The following NBEA variants were observed in gnomAD, a reference collection of about 807,000 sequenced individuals.
The protein encoded by NBEA is lysosomal-trafficking regulator 2.
A neutral mutation model predicts 343.4 loss-of-function variants in NBEA; 44 were observed. The observed-to-expected ratio is 0.13, with a 90% CI of 0.10 to 0.16. NBEA has a LOEUF of 0.16. Ranked by LOEUF, NBEA falls within the 10% of genes least tolerant of loss-of-function variation. The probability of loss-of-function intolerance (pLI) is 1.00; values close to 1 mark genes in which losing one functional copy is unlikely to be tolerated. For synonymous variants in NBEA, 1,175 were observed against 1,238.7 expected, an observed-to-expected ratio of 0.95 and a Z score of 1.08; for missense variants, 2,555 against 3,631.3, an observed-to-expected ratio of 0.70 and a Z score of 7.62.
At chr13:35,466,498 C>CA (rs775482692) in intron 40 of NBEA, among the ~76,000 whole-genome samples, 5 of 152,008 alleles carry the variant, frequency 3.3e-5, no homozygotes, top group Admixed American at 6.5e-5. Context: ...TATTTCCATG[C>CA]AAAAAAAGTT....
At chr13:35,656,818 A>G (rs2084832867) in intron 55 of NBEA, among the ~76,000 whole-genome samples, 1 of 152,226 alleles carries the variant, frequency 6.6e-6, no homozygotes, top group South Asian at 2.1e-4. Flanking sequence ...ATAAACTGAA[A>G]CATGAATTTG....
At position 35,238,686 on chromosome 13, in the gene NBEA, C is replaced by T. The variant is rs555327570; in HGVS notation, c.5776+6067C>T. On this transcript the variant is annotated intron_variant, in intron 34 of 58. Transcript: ENST00000379939. ...AGGTGTCTGAGATACATGAGGCTCTCCCTTTTAGGCTCTATATACAAGTTG... is the reference window on the plus strand; with the variant it reads ...AGGTGTCTGAGATACATGAGGCTCTTCCTTTTAGGCTCTATATACAAGTTG... Among the ~76,000 whole-genome samples the T allele has an allele frequency of 2.6e-5, 4 of 152,216 alleles. No individual in the cohort carries two copies. The South Asian group carries it at 8.3e-4, about 32-fold the overall frequency.
chr13:35,564,761 C>T (rs2080050837), intron 44 of NBEA, among the ~76,000 whole-genome samples: 1 of 152,154 alleles, frequency 6.6e-6, no homozygotes, highest in African/African-American at 2.4e-5. Context: ...TTAATGTAGA[C>T]ATTCACAATA....
intron 33 of NBEA, among the ~76,000 whole-genome samples, chr13:35,212,566 T>C (rs2073842271): frequency 6.6e-6 from 1 of 152,162 alleles, no homozygotes; most frequent in Admixed American, 6.5e-5. Context: ...AATTGCTGAT[T>C]CGTAGTGTTT....
chr13:35,197,314 CAAGT>C (rs1223467636), intron 31 of NBEA, among the ~76,000 whole-genome samples: 1 of 151,884 alleles, frequency 6.6e-6, no homozygotes, highest in Non-Finnish European at 1.5e-5. Flanking sequence ...GATTGACAAG[CAAGT>C]GTTTTTTTTG....
intron 39 of NBEA, among the ~76,000 whole-genome samples, chr13:35,447,768 G>A (rs2046122444): frequency 6.6e-6 from 1 of 152,132 alleles, no homozygotes; most frequent in Non-Finnish European, 1.5e-5. Flanking sequence ...TTAATTTCTT[G>A]ATGAATGGCT....
intron 17 of NBEA, among the ~76,000 whole-genome samples, chr13:35,124,590 A>G (rs550448588): frequency 6.7e-6 from 1 of 149,298 alleles, no homozygotes. Flanking sequence ...ATACATACAC[A>G]TATATGGATA....
chr13:35,445,209 T>G (rs1382567543), intron 39 of NBEA, among the ~76,000 whole-genome samples: 1 of 152,130 alleles, frequency 6.6e-6, no homozygotes, highest in East Asian at 1.9e-4. Flanking sequence ...TTCCCCCTCT[T>G]TACGTAAATC....
rs35670043 is a variant in NBEA, at chr13:35,138,478, G to A, written c.2337-3791G>A. On this transcript the variant is annotated intron_variant, in intron 17 of 58. Transcript: ENST00000379939. ...ATGCTACTTTTTTTTTTTTTTTTTCGAGATGGAGTTTTGCTCTGTCGCCCA... is the reference window on the plus strand; with the variant it reads ...ATGCTACTTTTTTTTTTTTTTTTTCAAGATGGAGTTTTGCTCTGTCGCCCA... Among the ~76,000 whole-genome samples, 6 of 132,274 alleles carry A rather than the reference G, an allele frequency of 4.5e-5. 1 individual carries two copies. In the South Asian group the frequency reaches 1.3e-3, roughly 28 times the overall value. 86.8% of individuals were successfully genotyped at this position (132,274 alleles called of 152,430 possible). A position where few individuals can be genotyped will look rare whatever the true frequency, so the allele number is the denominator to read the frequency against.
chr13:35,053,784 A>ATGGG (rs2063149128), intron 6 of NBEA, among the ~76,000 whole-genome samples: 1 of 152,158 alleles, frequency 6.6e-6, no homozygotes, highest in African/African-American at 2.4e-5. Context: ...TATGTTATGT[A>ATGGG]TGGGTGCCAA....
chr13:35,159,785 A>G lies in NBEA; in HGVS notation c.3614A>G (p.Glu1205Gly). 6.2e-7 allele frequency: 1 copy of G among 1,612,660 alleles called. No homozygotes were observed. Among genetic ancestry groups the G allele is most frequent in the Non-Finnish European group, 8.5e-7 (1 of 1,179,374 alleles). The change falls in exon 22 of 59, where the codon GAA becomes GGA. Residue 1205 changes from glutamate (E) to glycine (G), a missense_variant. This residue lies in a region of NBEA where 367 missense variants were observed against 377.5 expected (regional missense o/e 0.97). Coordinates refer to ENST00000379939, the MANE Select transcript of NBEA (RefSeq NM_001385012.1). ...DLTCTSSIIE[E>G]KEFKIHTTSD... ...ACTTGTACATCCAGTATAATAGAAG[A>G]AAAAGAATTCAAAATCCATACAACT...
intron 45 of NBEA, among the ~76,000 whole-genome samples, chr13:35,573,447 C>T (rs1475699188): frequency 1.3e-5 from 2 of 152,152 alleles, no homozygotes; most frequent in African/African-American, 2.4e-5. Context: ...AGGTAGACTT[C>T]ACAGACACTG....
At chr13:35,649,061 C>T (rs1279390384) in intron 51 of NBEA, among the ~76,000 whole-genome samples, 1 of 152,066 alleles carries the variant, frequency 6.6e-6, no homozygotes, top group Non-Finnish European at 1.5e-5. Flanking sequence ...AGCATTGGCC[C>T]TCCATAAGCT....
intron 38 of NBEA, among the ~76,000 whole-genome samples, chr13:35,380,794 G>A (rs376033829): frequency 2.6e-5 from 4 of 152,056 alleles, no homozygotes; most frequent in African/African-American, 4.8e-5. Context: ...TAATGACTGC[G>A]GTCTCCAGTA....
At chr13:34,953,410 A>G (rs2059403814) in intron 1 of NBEA, among the ~76,000 whole-genome samples, 1 of 152,126 alleles carries the variant, frequency 6.6e-6, no homozygotes, top group Non-Finnish European at 1.5e-5. Flanking sequence ...ATTATAATAT[A>G]TTGACTGTTA....
At chr13:35,209,257 A>C (rs1267556216) in intron 32 of NBEA, among the ~76,000 whole-genome samples, 1 of 152,206 alleles carries the variant, frequency 6.6e-6, no homozygotes, top group Non-Finnish European at 1.5e-5. Flanking sequence ...TGATTGGTTG[A>C]GTTCTAATAT....
intron 41 of NBEA, among the ~76,000 whole-genome samples, chr13:35,509,543 A>G (rs1313373610): frequency 6.6e-6 from 1 of 152,210 alleles, no homozygotes; most frequent in Non-Finnish European, 1.5e-5. Flanking sequence ...GGCCAGAGAG[A>G]GGCCTCTAAG....
At chr13:35,315,920 A>G (rs1303841088) in intron 36 of NBEA, among the ~76,000 whole-genome samples, 2 of 152,058 alleles carry the variant, frequency 1.3e-5, no homozygotes, top group Non-Finnish European at 2.9e-5. Context: ...ACTGTATTTA[A>G]AAATAAAACA....
chr13:35,455,980 T>C (rs2046562831), intron 40 of NBEA, among the ~76,000 whole-genome samples: 1 of 152,052 alleles, frequency 6.6e-6, no homozygotes. Context: ...ACATCTTCTG[T>C]TTATAACTCA....
Sources: gnomAD v4.1 joint callset for allele counts (sites outside exome capture counted in the v4.1 genomes callset) on GRCh38, gnomAD v4.1.1 for gene constraint, gnomAD v4.1.1 regional missense constraint, MANE v1.5 for transcripts, NCBI Gene and HGNC (gene_info 2026-07-23, HGNC 2026-07-21) for gene names.